Variants in VRK2 observed in about 807,000 individuals in gnomAD.
VRK2 encodes the protein VRK serine/threonine kinase 2.
Under a neutral mutation model 57.6 loss-of-function variants are expected in VRK2, and 60 were observed. The observed-to-expected ratio is 1.04, with a 90% CI of 0.85 to 1.29. The LOEUF is 1.29. VRK2 is among the 50% of genes most tolerant of loss of function. The probability of loss-of-function intolerance (pLI) is 0.00; values close to 1 mark genes in which losing one functional copy is unlikely to be tolerated. For synonymous variants in VRK2, 231 were observed against 199.2 expected, an observed-to-expected ratio of 1.16 and a Z score of -1.35; for missense variants, 705 against 588.1, an observed-to-expected ratio of 1.20 and a Z score of -2.06.
chr2:58,115,256 T>C (rs1676256939), intron 7 of VRK2, among the ~76,000 whole-genome samples: 1 of 151,918 alleles, frequency 6.6e-6, no homozygotes, highest in Non-Finnish European at 1.5e-5. Flanking sequence ...ATCAGAGAGA[T>C]ACAGTCATGG....
chr2:58,017,233 T>A (rs1156564815), intron 1 of VRK2, among the ~76,000 whole-genome samples: 1 of 152,184 alleles, frequency 6.6e-6, no homozygotes, highest in African/African-American at 2.4e-5. Context: ...ATCTCCTTGG[T>A]AACCTGTTGT....
intron 7 of VRK2, among the ~76,000 whole-genome samples, chr2:58,102,876 A>G (rs77951733): frequency 6.6e-6 from 1 of 151,872 alleles, no homozygotes; most frequent in East Asian, 1.9e-4. Flanking sequence ...TCAAAATCAT[A>G]TCAAGTGTCA....
chr2:58,042,404 G>C (rs1028864953), upstream of VRK2, among the ~76,000 whole-genome samples: 1 of 152,126 alleles, frequency 6.6e-6, no homozygotes, highest in South Asian at 2.1e-4. Context: ...TTTAGAGATT[G>C]TAAGTTTATG....
At chr2:58,098,266 A>G (rs769243807) in intron 7 of VRK2, among the ~76,000 whole-genome samples, 4 of 152,146 alleles carry the variant, frequency 2.6e-5, no homozygotes, top group Non-Finnish European at 5.9e-5. Context: ...TTTATAAAGT[A>G]TGGTATGGTA....
rs571350789 is a variant in VRK2 at position 58,056,118 on chromosome 2, C to T, written c.136+7151C>T. Among the ~76,000 whole-genome samples the T allele has an allele frequency of 2.6e-5, 4 of 152,176 alleles. 1 individual carries two copies. The South Asian group carries it at 8.3e-4, about 32-fold the overall frequency. ...CACCCCCTAAAAGAGGGCACGCTTCCTTCTGATCACTTTAATCATATCTTC... is the reference window on the plus strand; with the variant it reads ...CACCCCCTAAAAGAGGGCACGCTTCTTTCTGATCACTTTAATCATATCTTC... On this transcript the variant is annotated intron_variant, in intron 2 of 12. Coordinates refer to ENST00000340157, the MANE Select transcript of VRK2 (RefSeq NM_006296.7).
At chr2:58,014,022 A>G (rs990353332) in intron 1 of VRK2, among the ~76,000 whole-genome samples, 1 of 152,180 alleles carries the variant, frequency 6.6e-6, no homozygotes, top group Non-Finnish European at 1.5e-5. Context: ...GATAATAGAA[A>G]TATCACCTAA....
At chr2:57,975,596 C>T (rs542730998) in intron 1 of VRK2, among the ~76,000 whole-genome samples, 238 of 151,978 alleles carry the variant, frequency 1.6e-3, no homozygotes, top group African/African-American at 5.4e-3. Context: ...TCCCGTCACC[C>T]AGACTGCAAA....
chr2:58,049,313 T>C (rs1385837516), intron 2 of VRK2, among the ~76,000 whole-genome samples: 1 of 152,206 alleles, frequency 6.6e-6, no homozygotes, highest in Non-Finnish European at 1.5e-5. Flanking sequence ...AAAAACACTT[T>C]CTGTTTGTGA....
chr2:58,154,723 A>T (rs1205268510), intron 12 of VRK2: 1 of 716,752 alleles, frequency 1.4e-6, no homozygotes, highest in South Asian at 1.5e-5. Flanking sequence ...CTTCATCTTG[A>T]TCTTGGTGTA....
intron 12 of VRK2, among the ~76,000 whole-genome samples, chr2:58,149,688 C>G (rs371297052): frequency 6.7e-4 from 101 of 151,556 alleles, no homozygotes; most frequent in African/African-American, 2.4e-3. Context: ...TGCCCTTTAT[C>G]AGGCTGAGGA....
At chr2:58,131,083 A>ATT (rs1679128663) in intron 8 of VRK2, among the ~76,000 whole-genome samples, 1 of 151,896 alleles carries the variant, frequency 6.6e-6, no homozygotes, top group Non-Finnish European at 1.5e-5. Flanking sequence ...CTTATTCTAA[A>ATT]TTTTGAAGGC....
chr2:58,041,172 G>T, intron 3 of VRK2: 1 of 610,012 alleles, frequency 1.6e-6, no homozygotes, highest in Non-Finnish European at 2.1e-6. Context: ...ACCACTTTTG[G>T]CTAGTCAATA....
intron 2 of VRK2, among the ~76,000 whole-genome samples, chr2:58,082,200 A>T (rs1215393207): frequency 6.6e-6 from 1 of 151,918 alleles, no homozygotes; most frequent in Non-Finnish European, 1.5e-5. Flanking sequence ...GTGAAAGGAA[A>T]ATTCAGATTA....
intron 12 of VRK2, chr2:58,147,010 A>G (rs1414509891): frequency 2.8e-6 from 1 of 354,466 alleles, no homozygotes; most frequent in Non-Finnish European, 5.7e-6. Context: ...ATCTGCAGTG[A>G]AAAAATATTT....
intron 7 of VRK2, among the ~76,000 whole-genome samples, chr2:58,104,940 A>G (rs1289569162): frequency 6.6e-6 from 1 of 151,996 alleles, no homozygotes; most frequent in Non-Finnish European, 1.5e-5. Context: ...GATAGAGTCA[A>G]CAAAAATGCA....
At chr2:58,140,177 C>T (rs890646277) in intron 11 of VRK2, among the ~76,000 whole-genome samples, 12 of 151,984 alleles carry the variant, frequency 7.9e-5, no homozygotes, top group Admixed American at 7.2e-4. Context: ...GTGTTTTTGC[C>T]TACCAATTTG....
At chr2:58,049,427 A>G (rs1558565808) in intron 2 of VRK2, among the ~76,000 whole-genome samples, 1 of 152,208 alleles carries the variant, frequency 6.6e-6, no homozygotes, top group Non-Finnish European at 1.5e-5. Context: ...TGTGAAATGA[A>G]TTAACTTCTC....
intron 1 of VRK2, among the ~76,000 whole-genome samples, chr2:57,957,611 C>A: frequency 6.9e-6 from 1 of 145,064 alleles, no homozygotes; most frequent in Admixed American, 6.9e-5. Context: ...GATATATATA[C>A]TATATTATAT....
At chr2:57,943,399 G>T (rs779759110) in intron 1 of VRK2, among the ~76,000 whole-genome samples, 5 of 152,140 alleles carry the variant, frequency 3.3e-5, no homozygotes, top group African/African-American at 4.8e-5. Flanking sequence ...GTAAATTTTA[G>T]ATTTACAAGT....
Sources: gnomAD v4.1 joint callset for allele counts (sites outside exome capture counted in the v4.1 genomes callset) on GRCh38, gnomAD v4.1.1 for gene constraint, MANE v1.5 for transcripts, NCBI Gene and HGNC (gene_info 2026-07-23, HGNC 2026-07-21) for gene names.